MYBL2: variants seen among roughly 807,000 people sequenced by gnomAD.
The protein encoded by MYBL2 is MYB proto-oncogene like 2, also known as myb-related protein B.
A neutral mutation model predicts 79.9 loss-of-function variants in MYBL2; 28 were observed. That is an observed-to-expected ratio of 0.35 (90% CI 0.26 to 0.48). The LOEUF is 0.48. Ranked by LOEUF, MYBL2 falls within the 20% of genes least tolerant of loss-of-function variation. The pLI, the probability that MYBL2 is intolerant of heterozygous loss-of-function variation, is 0.99. For synonymous variants in MYBL2, 378 were observed against 361.2 expected, an observed-to-expected ratio of 1.05 and a Z score of -0.53; for missense variants, 735 against 893.9, an observed-to-expected ratio of 0.82 and a Z score of 2.27.
intron 6 of MYBL2, among the ~76,000 whole-genome samples, chr20:43,693,180 C>T (rs1409087692): frequency 6.6e-6 from 1 of 152,062 alleles, no homozygotes; most frequent in Non-Finnish European, 1.5e-5. Flanking sequence ...TACAGGCATG[C>T]ACCACCACGC....
Position 43,682,871 on chromosome 20 carries a change from A to G in MYBL2, c.264A>G (p.Lys88=). The G allele has an allele frequency of 6.2e-7, 1 of 1,613,964 alleles. No individual in the cohort carries two copies. The highest frequency in any genetic ancestry group is 8.5e-7 in the Non-Finnish European group (1 of 1,179,846). ...NPDLVKGPWT[K]EEDQKVIELV... ...ACCTTGTCAAGGGGCCATGGACCAA[A>G]GAGGAAGACCAAAAAGTAACTGCTG... Residue 88 remains lysine (K), a synonymous_variant, in exon 4 of 14, where the codon AAA becomes AAG. Transcript: ENST00000217026.
intron 8 of MYBL2, among the ~76,000 whole-genome samples, chr20:43,703,970 G>A (rs895568132): frequency 6.6e-6 from 1 of 152,034 alleles, no homozygotes; most frequent in Non-Finnish European, 1.5e-5. Flanking sequence ...ATTTTATAAT[G>A]TTATAAGGAC....
At chr20:43,681,606 C>T (rs1436131546) in intron 2 of MYBL2, among the ~76,000 whole-genome samples, 178 bp from the exon 3 acceptor site, 3 of 152,226 alleles carry the variant, frequency 2.0e-5, no homozygotes, top group Non-Finnish European at 4.4e-5. Flanking sequence ...CCCATGAGAT[C>T]AGGGGCAGCT....
At chr20:43,683,930 A>G (rs891176740) in intron 4 of MYBL2, among the ~76,000 whole-genome samples, 2 of 151,686 alleles carry the variant, frequency 1.3e-5, no homozygotes, top group African/African-American at 4.8e-5. Context: ...AGTGTTGGCT[A>G]ATTTTTTTGA....
chr20:43,699,828 T>C lies in MYBL2; in HGVS notation c.735T>C (p.Leu245=). 6.2e-7 allele frequency: 1 copy of C among 1,614,154 alleles called. No individual in the cohort carries two copies. The change falls in exon 7 of 14, where the codon CTT becomes CTC. Residue 245 remains leucine, a synonymous_variant. Transcript: ENST00000217026. ...AGGAGGAAAACAGTGAGGAGGAACT[T>C]GCAGCAGCCACCACATCGAAGGAAC... ...IKEEENSEEE[L]AAATTSKEQE...
At chr20:43,693,384 C>T (rs182160737) in intron 6 of MYBL2, among the ~76,000 whole-genome samples, 14 of 152,182 alleles carry the variant, frequency 9.2e-5, no homozygotes, top group Admixed American at 5.2e-4. Flanking sequence ...CTCTGTCGCT[C>T]AGGCTGGAGT....
chr20:43,710,985 C>T (rs1466038733), intron 10 of MYBL2, among the ~76,000 whole-genome samples: 1 of 152,136 alleles, frequency 6.6e-6, no homozygotes, highest in African/African-American at 2.4e-5. Context: ...GTGATTCGCA[C>T]CTTTCACTCT....
intron 12 of MYBL2, among the ~76,000 whole-genome samples, chr20:43,713,423 T>C (rs1168342614): frequency 1.3e-5 from 2 of 151,750 alleles, no homozygotes; most frequent in African/African-American, 2.4e-5. Context: ...ATTTCGCTCT[T>C]GTTGCCCAGG....
intron 2 of MYBL2, among the ~76,000 whole-genome samples, chr20:43,676,025 C>A (rs971948461): frequency 2.0e-5 from 3 of 151,712 alleles, no homozygotes; most frequent in Non-Finnish European, 2.9e-5. Flanking sequence ...CTACCTCAGC[C>A]TCTCAAGTAG....
chr20:43,685,163 A>T (rs1028600104), intron 4 of MYBL2, among the ~76,000 whole-genome samples: 4 of 149,452 alleles, frequency 2.7e-5, no homozygotes, highest in Admixed American at 1.3e-4. Flanking sequence ...AAAAAAAAAA[A>T]GAATGAAATA....
At chr20:43,670,209 C>T (rs1295231891) in intron 1 of MYBL2, among the ~76,000 whole-genome samples, 1 of 152,196 alleles carries the variant, frequency 6.6e-6, no homozygotes, top group Non-Finnish European at 1.5e-5. Flanking sequence ...TGTTAGAAGC[C>T]AGGCCTTTGT....
chr20:43,667,529 G>A (rs1986747817), intron 1 of MYBL2, among the ~76,000 whole-genome samples: 1 of 152,104 alleles, frequency 6.6e-6, no homozygotes. Flanking sequence ...AGGCCTGTTG[G>A]GCCTCGGAGC....
At chr20:43,668,086 G>T (rs1368743277) in intron 1 of MYBL2, among the ~76,000 whole-genome samples, 3 of 152,076 alleles carry the variant, frequency 2.0e-5, no homozygotes, top group South Asian at 2.1e-4. Flanking sequence ...ACACCTGTGC[G>T]CCTGGGGCCT....
intron 11 of MYBL2, 66 bp downstream of exon 11, chr20:43,711,667 CTG>C: frequency 1.4e-6 from 2 of 1,433,190 alleles, no homozygotes; most frequent in Non-Finnish European, 1.9e-6. Flanking sequence ...GGGGAGGCGT[CTG>C]GGGACAGGTT....
chr20:43,690,517 G>A (rs2145720420), intron 5 of MYBL2, among the ~76,000 whole-genome samples: 1 of 152,230 alleles, frequency 6.6e-6, no homozygotes, highest in South Asian at 2.1e-4. Flanking sequence ...GCAGCTGGGG[G>A]ATTGGATTCG....
At chr20:43,686,037 C>T (rs1267397025) in intron 4 of MYBL2, among the ~76,000 whole-genome samples, 1 of 145,602 alleles carries the variant, frequency 6.9e-6, no homozygotes, top group African/African-American at 2.6e-5. Context: ...AACTTCGTCT[C>T]AAAAAAAATA....
At chr20:43,706,915 C>T (rs1187793832) in intron 9 of MYBL2, among the ~76,000 whole-genome samples, 1 of 150,832 alleles carries the variant, frequency 6.6e-6, no homozygotes, top group Non-Finnish European at 1.5e-5. Context: ...GAGGTTTCAC[C>T]GTGTTGGTCA....
intron 9 of MYBL2, among the ~76,000 whole-genome samples, chr20:43,706,719 G>GTGTTTTTTTTTTTTTTT (rs1987791193): frequency 5.7e-5 from 4 of 70,780 alleles, no homozygotes; most frequent in African/African-American, 2.4e-4. Flanking sequence ...AAAAAAAAAA[G>GTGTTTTTTTTTTTTTTT]TTTTTTTTTT....
intron 6 of MYBL2, among the ~76,000 whole-genome samples, chr20:43,699,105 C>T (rs1193266712): frequency 6.6e-6 from 1 of 152,134 alleles, no homozygotes; most frequent in Non-Finnish European, 1.5e-5. Context: ...ATGGTGCGAT[C>T]TCAGCTCACT....
Sources: allele counts gnomAD v4.1 joint callset (sites outside exome capture counted in the v4.1 genomes callset), GRCh38; gene constraint gnomAD v4.1.1; transcripts MANE v1.5; gene names NCBI Gene and HGNC (gene_info 2026-07-23, HGNC 2026-07-21).